Variants in MYO16 observed in about 807,000 individuals in gnomAD.
MYO16 encodes unconventional myosin-XVI.
Under a neutral mutation model 205.3 loss-of-function variants are expected in MYO16, and 94 were observed. The ratio of observed to expected loss-of-function variants is 0.46; its 90% confidence interval spans 0.39 to 0.54. The LOEUF (loss-of-function observed/expected upper bound fraction) is 0.54, where lower values mean the gene tolerates loss of function less well. Ranked by LOEUF, MYO16 falls within the 20% of genes least tolerant of loss-of-function variation. MYO16 has a pLI of 0.00. For synonymous variants in MYO16, 988 were observed against 954.0 expected (o/e 1.04, Z -0.66); for missense variants, 2,315 against 2,387.5 (o/e 0.97, Z 0.63).
rs2139869365 is a variant in MYO16 at position 109,162,222 on chromosome 13, A to C, written c.5165-2679A>C. On this transcript the variant is annotated intron_variant, in intron 32 of 34. Coordinates refer to ENST00000457511, the MANE Select transcript of MYO16 (RefSeq NM_001198950.3). The surrounding 1 kb of genome is among the most constrained non-coding windows in gnomAD (Gnocchi z 4.6). ...TTAAATACATCAGTTGATGAGATAGAAATCAGTTGTGAGGGAGGCCAGCCT... is the reference window on the plus strand; with the variant it reads ...TTAAATACATCAGTTGATGAGATAGCAATCAGTTGTGAGGGAGGCCAGCCT... Among the ~76,000 whole-genome samples, 1 of 152,334 alleles carries C rather than the reference A, an allele frequency of 6.6e-6. No homozygotes were observed. Among genetic ancestry groups the C allele is most frequent in the Non-Finnish European group, 1.5e-5 (1 of 68,036 alleles).
chr13:109,008,378 A>G (rs573395111), intron 21 of MYO16, among the ~76,000 whole-genome samples: 3 of 148,154 alleles, frequency 2.0e-5, no homozygotes, highest in African/African-American at 5.1e-5. Flanking sequence ...TATCTTGTGT[A>G]TGCACTACTG....
chr13:108,650,416 T>C (rs1880946849), intron 1 of MYO16, among the ~76,000 whole-genome samples: 1 of 152,242 alleles, frequency 6.6e-6, no homozygotes. Flanking sequence ...GAGGGAATCC[T>C]GTCTGAGACT....
intron 11 of MYO16, 69 bp from the exon 12 acceptor site, chr13:108,866,108 G>T: frequency 2.1e-6 from 2 of 973,770 alleles, no homozygotes; most frequent in Non-Finnish European, 2.9e-6. Flanking sequence ...TTTTTAAATT[G>T]TATGATTTTT....
intron 24 of MYO16, among the ~76,000 whole-genome samples, chr13:109,050,776 G>A (rs948182479): frequency 6.6e-6 from 1 of 151,838 alleles, no homozygotes; most frequent in African/African-American, 2.4e-5. Flanking sequence ...TAATTACTAT[G>A]ATTATACTGA....
At chr13:109,004,824 A>C (rs544960786) in intron 21 of MYO16, among the ~76,000 whole-genome samples, 1 of 152,204 alleles carries the variant, frequency 6.6e-6, no homozygotes, top group African/African-American at 2.4e-5. Context: ...TCTGCCAGCT[A>C]TAATGTGCAG....
intron 27 of MYO16, among the ~76,000 whole-genome samples, chr13:109,068,233 A>G (rs1887814762): frequency 6.6e-6 from 1 of 152,230 alleles, no homozygotes; most frequent in Non-Finnish European, 1.5e-5. Flanking sequence ...TTGAAGAAGC[A>G]GAGGGAAACA....
chr13:109,120,520 T>A (rs917385054), intron 29 of MYO16, 54 bp downstream of exon 29: 1 of 1,359,058 alleles, frequency 7.4e-7, no homozygotes. Flanking sequence ...AAATGCAAAA[T>A]CTTTTAGTGC....
chr13:108,696,166 G>A (rs1883083214), intron 2 of MYO16, among the ~76,000 whole-genome samples: 1 of 152,078 alleles, frequency 6.6e-6, no homozygotes, highest in African/African-American at 2.4e-5. Flanking sequence ...TGGCCACTTT[G>A]GAAAGCTGTT....
chr13:108,666,633 A>G (rs1292626469), intron 2 of MYO16, among the ~76,000 whole-genome samples: 3 of 152,130 alleles, frequency 2.0e-5, no homozygotes, highest in Admixed American at 6.5e-5. Flanking sequence ...ATTTGGGGCT[A>G]TGGAATTTGT....
At chr13:109,167,525 T>C (rs538868893) in intron 33 of MYO16, among the ~76,000 whole-genome samples, 8 of 152,174 alleles carry the variant, frequency 5.3e-5, no homozygotes, top group Non-Finnish European at 8.8e-5. Context: ...TGTGGTGTTA[T>C]AGACAACCTG....
At chr13:108,813,714 TTC>T (rs1887365127) in intron 7 of MYO16, among the ~76,000 whole-genome samples, 2 of 151,928 alleles carry the variant, frequency 1.3e-5, no homozygotes, top group Non-Finnish European at 2.9e-5. Context: ...CTCTCTCTCT[TTC>T]TCTCTGAATA....
At chr13:108,553,234 C>A in the MYO16 span, among the ~76,000 whole-genome samples, 2 of 151,750 alleles carry the variant, frequency 1.3e-5, no homozygotes, top group East Asian at 3.9e-4. Flanking sequence ...CTCATGATCC[C>A]CCTGCTTCAA....
chr13:108,639,469 C>A lies in MYO16; in HGVS notation c.28+9597C>A, dbSNP rs566130633. On this transcript the variant is annotated intron_variant, in intron 1 of 34. Transcript: ENST00000457511. ...TCTCCTGATTTGCGCTATTCAAACC[C>A]AAGCAGACCCTGTATCTTATCAGCA... Among the ~76,000 whole-genome samples the A allele has an allele frequency of 3.3e-5, 5 of 152,256 alleles. No individual in the cohort carries two copies. The South Asian group carries it at 1.0e-3, about 32-fold the overall frequency.
At chr13:108,728,729 A>C (rs1884423992) in intron 4 of MYO16, among the ~76,000 whole-genome samples, 1 of 152,240 alleles carries the variant, frequency 6.6e-6, no homozygotes, top group Non-Finnish European at 1.5e-5. Context: ...GCCCTAAGGC[A>C]GGTGGCCTCA....
At chr13:109,192,317 G>A (rs2139947667) in intron 34 of MYO16, among the ~76,000 whole-genome samples, 1 of 152,238 alleles carries the variant, frequency 6.6e-6, no homozygotes, top group South Asian at 2.1e-4. Context: ...TTTCTGGAAA[G>A]GACTATTAAT....
chr13:108,950,402 A>T (rs1883098028), intron 16 of MYO16, among the ~76,000 whole-genome samples: 1 of 152,234 alleles, frequency 6.6e-6, no homozygotes, highest in East Asian at 1.9e-4. Flanking sequence ...TATTTCACCA[A>T]ATATGAATAT....
intron 4 of MYO16, among the ~76,000 whole-genome samples, chr13:108,741,304 T>C (rs1033934760): frequency 2.6e-5 from 4 of 152,198 alleles, no homozygotes; most frequent in African/African-American, 9.7e-5. Flanking sequence ...TTTTTTAACA[T>C]TGAACTCATT....
the MYO16 span, among the ~76,000 whole-genome samples, chr13:108,537,203 G>A: frequency 1.3e-5 from 2 of 151,840 alleles, no homozygotes; most frequent in African/African-American, 4.8e-5. Flanking sequence ...TTTTATTTCC[G>A]TGTGTACCCA....
At chr13:108,583,033 A>G in the MYO16 span, among the ~76,000 whole-genome samples, 4,064 of 152,286 alleles carry the variant, frequency 0.027, 169 homozygotes, top group African/African-American at 0.091. Context: ...GTTTATGAAT[A>G]AATATTAGAA....
Sources: allele counts gnomAD v4.1 joint callset (sites outside exome capture counted in the v4.1 genomes callset), GRCh38; gene constraint gnomAD v4.1.1; non-coding constraint Gnocchi (gnomAD v3.1); transcripts MANE v1.5; gene names NCBI Gene and HGNC (gene_info 2026-07-23, HGNC 2026-07-21).